MAGI2: variants seen among roughly 807,000 people sequenced by gnomAD.
MAGI2 encodes membrane associated guanylate kinase, WW and PDZ domain containing 2.
Under a neutral mutation model 133.3 loss-of-function variants are expected in MAGI2, and 35 were observed. The observed-to-expected ratio is 0.26, with a 90% CI of 0.20 to 0.35. MAGI2 has a LOEUF of 0.35. MAGI2 is among the 10% of genes least tolerant of loss of function. MAGI2 has a pLI of 1.00. For synonymous variants in MAGI2, 729 were observed against 710.6 expected (o/e 1.03, Z -0.41); for missense variants, 1,636 against 1,863.4 (o/e 0.88, Z 2.25).
At chr7:79,078,092 T>C (rs1815699594) in intron 1 of MAGI2, among the ~76,000 whole-genome samples, 1 of 152,312 alleles carries the variant, frequency 6.6e-6, no homozygotes, top group Non-Finnish European at 1.5e-5. Context: ...ATAAGTTCCA[T>C]TGTAAGACGG....
chr7:78,032,811 T>A (rs886451443), intron 21 of MAGI2, among the ~76,000 whole-genome samples: 8 of 152,086 alleles, frequency 5.3e-5, no homozygotes, highest in Non-Finnish European at 1.2e-4. Context: ...ATTTGGATTC[T>A]TGGGCTAAGA....
At chr7:78,781,353 TG>T (rs112346477) in intron 2 of MAGI2, among the ~76,000 whole-genome samples, 37 of 126,556 alleles carry the variant, frequency 2.9e-4, no homozygotes, top group African/African-American at 1.0e-3. Context: ...CATTCCAGCC[TG>T]GGCGACACAG....
At chr7:78,918,155 A>G (rs1798944045) in intron 2 of MAGI2, among the ~76,000 whole-genome samples, 1 of 152,152 alleles carries the variant, frequency 6.6e-6, no homozygotes, top group Non-Finnish European at 1.5e-5. Flanking sequence ...CTTGTTATGA[A>G]TAGCAAAAGA....
chr7:79,100,034 T>C (rs1817841083), intron 1 of MAGI2, among the ~76,000 whole-genome samples: 1 of 152,176 alleles, frequency 6.6e-6, no homozygotes, highest in Admixed American at 6.5e-5. Flanking sequence ...TATGTGCTGT[T>C]TTTCTCTGTT....
intron 1 of MAGI2, among the ~76,000 whole-genome samples, chr7:79,398,314 G>C (rs1426901312): frequency 6.6e-6 from 1 of 152,160 alleles, no homozygotes; most frequent in African/African-American, 2.4e-5. Flanking sequence ...CATTCGGCCT[G>C]TGTCTCATTT....
chr7:79,219,205 G>C (rs1390718124), intron 1 of MAGI2, among the ~76,000 whole-genome samples: 1 of 151,928 alleles, frequency 6.6e-6, no homozygotes, highest in African/African-American at 2.4e-5. Context: ...AATGGTTCTA[G>C]TTAAAAAGCA....
chr7:79,014,134 A>G (rs768448709), intron 1 of MAGI2, among the ~76,000 whole-genome samples: 1 of 152,212 alleles, frequency 6.6e-6, no homozygotes. Flanking sequence ...TTTCAGAGAA[A>G]ATGACAGAGA....
chr7:78,060,266 G>C (rs1277078839), intron 21 of MAGI2, among the ~76,000 whole-genome samples: 1 of 136,422 alleles, frequency 7.3e-6, no homozygotes, highest in Admixed American at 8.3e-5. Flanking sequence ...CTTTAGATTA[G>C]ATTGAGAGTG....
chr7:78,754,403 A>G (rs1178843192), intron 2 of MAGI2, among the ~76,000 whole-genome samples: 1 of 151,806 alleles, frequency 6.6e-6, no homozygotes. Context: ...ATAAATAAAT[A>G]AATAAATGCT....
intron 2 of MAGI2, among the ~76,000 whole-genome samples, chr7:78,889,448 T>C (rs1160217458): frequency 1.3e-5 from 2 of 152,030 alleles, no homozygotes; most frequent in Non-Finnish European, 2.9e-5. Flanking sequence ...AAAGTTGAAA[T>C]GAGGAAATAA....
At chr7:79,352,516 C>T (rs1420822946) in intron 1 of MAGI2, among the ~76,000 whole-genome samples, 1 of 152,156 alleles carries the variant, frequency 6.6e-6, no homozygotes, top group Non-Finnish European at 1.5e-5. Flanking sequence ...AGGAGAAGCC[C>T]AGACTCTGCT....
intron 2 of MAGI2, among the ~76,000 whole-genome samples, chr7:78,636,521 G>A (rs1809662647): frequency 6.6e-6 from 1 of 151,958 alleles, no homozygotes; most frequent in Non-Finnish European, 1.5e-5. Context: ...CATCAAGGCC[G>A]GGCGCTGTGG....
intron 9 of MAGI2, among the ~76,000 whole-genome samples, chr7:78,265,776 C>G (rs1197191532): frequency 6.6e-6 from 1 of 152,216 alleles, no homozygotes; most frequent in Non-Finnish European, 1.5e-5. Flanking sequence ...TATTTTCAAA[C>G]AGCTGTAATT....
rs554345186 is a variant in MAGI2 at position 78,632,256 on chromosome 7, A to G, written c.419-5017T>C. On this transcript the variant is annotated intron_variant, in intron 2 of 21. Transcript: ENST00000354212. ...TAATAAATAAAAAATAAAAAGTTAT[A>G]TAGTATGCTATAAAGGGTTAAATCT... 3.7e-3 allele frequency among the ~76,000 whole-genome samples: 563 copies of G among 152,364 alleles called. 3 individuals are homozygous for G. The highest frequency in any genetic ancestry group is 0.013 in the African/African-American group (524 of 41,592).
chr7:78,869,738 C>A (rs1794871213), intron 2 of MAGI2, among the ~76,000 whole-genome samples: 1 of 152,182 alleles, frequency 6.6e-6, no homozygotes, highest in South Asian at 2.1e-4. Flanking sequence ...AACAGCAAGG[C>A]AGAAATCTGC....
intron 2 of MAGI2, among the ~76,000 whole-genome samples, chr7:78,639,570 A>T (rs1810056141): frequency 6.6e-6 from 1 of 152,214 alleles, no homozygotes; most frequent in Non-Finnish European, 1.5e-5. Context: ...TATCACACTA[A>T]ATCTTATTAT....
intron 9 of MAGI2, among the ~76,000 whole-genome samples, chr7:78,318,484 C>T (rs1315442659): frequency 6.6e-6 from 1 of 152,176 alleles, no homozygotes; most frequent in Non-Finnish European, 1.5e-5. Flanking sequence ...AAGACCAAAT[C>T]TGCATTTGAT....
At chr7:79,363,242 T>A (rs1370210262) in intron 1 of MAGI2, among the ~76,000 whole-genome samples, 2 of 150,956 alleles carry the variant, frequency 1.3e-5, no homozygotes, top group African/African-American at 2.4e-5. Flanking sequence ...TAAAAATGTA[T>A]GCTGAAAGCT....
At chr7:79,253,083 T>C (rs1396522354) in intron 1 of MAGI2, among the ~76,000 whole-genome samples, 1 of 152,208 alleles carries the variant, frequency 6.6e-6, no homozygotes, top group Non-Finnish European at 1.5e-5. Context: ...TCATTTCTCT[T>C]ATACAAAAGA....
Sources: gnomAD v4.1 joint callset for allele counts (sites outside exome capture counted in the v4.1 genomes callset) on GRCh38, gnomAD v4.1.1 for gene constraint, MANE v1.5 for transcripts, NCBI Gene and HGNC (gene_info 2026-07-23, HGNC 2026-07-21) for gene names.